KIF26A: variants seen among roughly 807,000 people sequenced by gnomAD.
KIF26A encodes kinesin-like protein KIF26A.
In KIF26A, 74 loss-of-function variants were observed where a neutral mutation model predicts 126.0. The observed-to-expected ratio is 0.59, with a 90% CI of 0.49 to 0.71. KIF26A has a LOEUF of 0.71. KIF26A is among the 30% of genes least tolerant of loss of function. The probability of loss-of-function intolerance (pLI) is 0.00; values close to 1 mark genes in which losing one functional copy is unlikely to be tolerated. For missense variants in KIF26A, 2,984 were observed against 2,763.3 expected (o/e 1.08, Z -1.79); for synonymous variants, 1,445 against 1,232.7 (o/e 1.17, Z -3.61).
chr14:104,172,667 G>C lies in KIF26A; in HGVS notation c.1419G>C (p.Leu473=). ...GCIFSFGHMS[L]GKSYTMIGKD... Reference sequence around the variant, plus strand: ...TTTTTTCCTTTGGCCACATGAGCCTGGGTAAGCACCCTTGCCCCACCCTAG... The same window carrying C: ...TTTTTTCCTTTGGCCACATGAGCCTCGGTAAGCACCCTTGCCCCACCCTAG... Residue 473 remains leucine, a splice_region_variant and synonymous_variant, in exon 7 of 15, where the codon CTG becomes CTC. Coordinates refer to ENST00000423312, the MANE Select transcript of KIF26A (RefSeq NM_015656.2). 6.2e-7 allele frequency: 1 copy of C among 1,610,902 alleles called. No homozygotes were observed. The highest frequency in any genetic ancestry group is 8.5e-7 in the Non-Finnish European group (1 of 1,177,958).
intron 5 of KIF26A, among the ~76,000 whole-genome samples, chr14:104,168,055 A>G (rs531693077): frequency 2.6e-5 from 4 of 152,090 alleles, no homozygotes; most frequent in African/African-American, 7.2e-5. Flanking sequence ...CCACTGCCCT[A>G]GCTGTACTGG....
rs544343535 is a variant in KIF26A at position 104,172,070 on chromosome 14, C to T, written c.1326+135C>T. On this transcript the variant is annotated intron_variant, in intron 6 of 14. Transcript: ENST00000423312. The stretch of plus-strand genomic sequence containing the variant: ...TGAGCGAGGGGCCCGCTGCCTGCGG[C>T]GCCTGCCTGCTTACCTCCCTCATCG... 1.4e-4 allele frequency: 117 copies of T among 828,610 alleles called. 1 individual carries two copies. Among genetic ancestry groups the T allele is most frequent in the South Asian group, 6.4e-4 (36 of 55,916 alleles). The allele number at this position is 828,610 out of a possible 1,614,324, so 51.3% of individuals were successfully genotyped here.
At chr14:104,140,003 G>T (rs1425592677) in intron 2 of KIF26A, among the ~76,000 whole-genome samples, 2 of 152,204 alleles carry the variant, frequency 1.3e-5, no homozygotes, top group African/African-American at 2.4e-5. Flanking sequence ...ATGCATGCTG[G>T]AAGTTTGCAA....
chr14:104,174,148 G>C lies in KIF26A; in HGVS notation c.2031G>C (p.Arg677=). 1 of 1,564,236 alleles carries C rather than the reference G, an allele frequency of 6.4e-7. No individual in the cohort carries two copies. Among genetic ancestry groups the C allele is most frequent in the Non-Finnish European group, 8.7e-7 (1 of 1,152,178 alleles). The change falls in exon 11 of 15, where the codon CGG becomes CGC. Residue 677 remains arginine (R), a splice_region_variant and synonymous_variant. Coordinates refer to ENST00000423312, the MANE Select transcript of KIF26A (RefSeq NM_015656.2). The stretch of plus-strand genomic sequence containing the variant: ...GCATCTGAACCGCCTCGACCCGCAG[G>C]GACCACAGGCTCACCATGCTGCTGC... ...LVNGAKHVPY[R]DHRLTMLLRE...
chr14:104,162,271 G>A (rs932336545), intron 4 of KIF26A, among the ~76,000 whole-genome samples: 4 of 152,208 alleles, frequency 2.6e-5, no homozygotes, highest in Admixed American at 2.0e-4. Flanking sequence ...GTCAGATTGT[G>A]GGGTGGAGAT....
At chr14:104,171,385 C>G (rs573748163) in intron 5 of KIF26A, among the ~76,000 whole-genome samples, 73 of 152,288 alleles carry the variant, frequency 4.8e-4, no homozygotes, top group Non-Finnish European at 7.8e-4. Context: ...CCTGCCCTCT[C>G]CTGGACTGAG....
At chr14:104,157,305 A>G (rs2141099839) in intron 3 of KIF26A, among the ~76,000 whole-genome samples, 1 of 152,262 alleles carries the variant, frequency 6.6e-6, no homozygotes, top group Middle Eastern at 3.4e-3. Flanking sequence ...GTTCCTGCCA[A>G]ATAGTTATCG....
At chr14:104,169,644 C>T (rs980841176) in intron 5 of KIF26A, among the ~76,000 whole-genome samples, 7 of 152,340 alleles carry the variant, frequency 4.6e-5, no homozygotes, top group East Asian at 1.9e-4. Flanking sequence ...AGTTAGATTA[C>T]GTTCAATTTC....
chr14:104,152,990 G>T lies in KIF26A; in HGVS notation c.735+529G>T, dbSNP rs561480074. On this transcript the variant is annotated intron_variant, in intron 3 of 14. Coordinates refer to ENST00000423312, the MANE Select transcript of KIF26A (RefSeq NM_015656.2). This position sits in a 1 kb window ranked among gnomAD's most constrained non-coding sequence, Gnocchi z 5.9. ...CTGTGAAGAGCCGTGTTTCTGCCTG[G>T]TACACTGTCTAGTCACCACACAGCG... is the stretch of plus-strand genomic sequence containing the variant. Among the ~76,000 whole-genome samples the T allele has an allele frequency of 9.2e-5, 14 of 152,146 alleles. No homozygotes were observed. Among genetic ancestry groups the T allele is most frequent in the Non-Finnish European group, 1.6e-4 (11 of 68,016 alleles).
chr14:104,169,143 C>A (rs1242246986), intron 5 of KIF26A, among the ~76,000 whole-genome samples: 1 of 152,164 alleles, frequency 6.6e-6, no homozygotes, highest in Non-Finnish European at 1.5e-5. Flanking sequence ...GGCCAGGCTG[C>A]CGCTGCCCTG....
chr14:104,177,602 C>T lies in KIF26A; in HGVS notation c.4814C>T (p.Thr1605Met), dbSNP rs777924224. 36 of 1,529,950 alleles carry T rather than the reference C, an allele frequency of 2.4e-5. No individual in the cohort carries two copies. Among genetic ancestry groups the T allele is most frequent in the African/African-American group, 5.5e-5 (4 of 72,538 alleles). The allele number at this position is 1,529,950 out of a possible 1,614,324, so 94.8% of individuals were successfully genotyped here. ...GVNVGEERPP[T>M]GPALPSPYSK... ...AACGTGGGGGAGGAGCGGCCACCCA[C>T]GGGCCCGGCCCTGCCCTCCCCCTAC... is the stretch of plus-strand genomic sequence containing the variant. Residue 1605 changes from threonine to methionine, a missense_variant, in exon 12 of 15, where the codon ACG (threonine) becomes ATG (methionine). Thr to Met is a moderately conservative substitution (Grantham distance 81). Transcript: ENST00000423312.
Position 104,152,087 on chromosome 14 carries a change from G to A in KIF26A, c.361G>A (p.Ala121Thr). ...PGALPACRPE[A>T]ERRCDVCATH... is the part of the protein sequence containing the mutation. ...GGCCCTGCCAGCCTGTCGCCCAGAG[G>A]CCGAGCGCCGCTGTGACGTCTGCGC... The change falls in exon 3 of 15, where the codon GCC becomes ACC. Residue 121 changes from alanine (A) to threonine (T), a missense_variant. By Grantham distance (58) the Ala-to-Thr change is moderately conservative (BLOSUM62 0). Coordinates refer to ENST00000423312, the MANE Select transcript of KIF26A (RefSeq NM_015656.2). This position sits in a 1 kb window ranked among gnomAD's most constrained non-coding sequence, Gnocchi z 5.9. 1 of 1,612,548 alleles carries A rather than the reference G, an allele frequency of 6.2e-7. No individual in the cohort carries two copies. Among genetic ancestry groups the A allele is most frequent in the Non-Finnish European group, 8.5e-7 (1 of 1,179,778 alleles).
chr14:104,177,215 C>G lies in KIF26A; in HGVS notation c.4427C>G (p.Pro1476Arg). ...CCACCCTCCAGCCCCACACACGGTC[C>G]AGCTCCCGCCTGTAGGAGCGGCGCA... is the stretch of plus-strand genomic sequence containing the variant. ...GVPPSSPTHG[P>R]APACRSGAAK... The change falls in exon 12 of 15, where the codon CCA becomes CGA. Residue 1476 changes from proline to arginine, a missense_variant. Transcript: ENST00000423312. 1 of 1,591,930 alleles carries G rather than the reference C, an allele frequency of 6.3e-7. No individual in the cohort carries two copies. Among genetic ancestry groups the G allele is most frequent in the Non-Finnish European group, 8.5e-7 (1 of 1,173,952 alleles).
rs572465029 is a variant in KIF26A at position 104,138,752 on chromosome 14, T to G, written c.30T>G (p.Ala10=). Residue 10 remains alanine, a synonymous_variant, in exon 1 of 15, where the codon GCT becomes GCG. Transcript: ENST00000423312. Reference sequence around the variant, plus strand: ...TCGGCCGCGGCGTCCCTCTGTGCGCTGCGCAGCCCGCGGTACGCGCGGCCC... The same window carrying G: ...TCGGCCGCGGCGTCCCTCTGTGCGCGGCGCAGCCCGCGGTACGCGCGGCCC... MVGRGVPLC[A]AQPAVAEGGP... The G allele has an allele frequency of 2.4e-6, 3 of 1,259,996 alleles. No homozygotes were observed. The South Asian group carries it at 9.2e-5, about 39-fold the overall frequency. The allele number at this position is 1,259,996 out of a possible 1,614,324, so 78.1% of individuals were successfully genotyped here. A position where few individuals can be genotyped will look rare whatever the true frequency, so the allele number is the denominator to read the frequency against.
intron 3 of KIF26A, among the ~76,000 whole-genome samples, chr14:104,155,489 CG>C (rs2037768420): frequency 9.3e-6 from 1 of 107,836 alleles, no homozygotes; most frequent in Non-Finnish European, 2.3e-5. Context: ...CCTTTCCTTC[CG>C]TTTGCTGCTG....
chr14:104,171,973 G>A (rs1296549198), intron 6 of KIF26A, 38 bp downstream of exon 6: 9 of 1,530,234 alleles, frequency 5.9e-6, no homozygotes, highest in Admixed American at 2.0e-5. Context: ...CCGGAGACCC[G>A]GAGCCGGGCT....
chr14:104,150,205 C>T (rs1216441384), intron 2 of KIF26A, among the ~76,000 whole-genome samples: 1 of 128,242 alleles, frequency 7.8e-6, no homozygotes, highest in Non-Finnish European at 1.7e-5. Context: ...CCTCCCCCAC[C>T]CCCTCCTCCT....
chr14:104,159,929 G>A (rs190231628), intron 4 of KIF26A, among the ~76,000 whole-genome samples: 2 of 152,284 alleles, frequency 1.3e-5, no homozygotes, highest in East Asian at 3.9e-4. Context: ...CTGTGGCTCT[G>A]AGTGGGGACG....
At position 104,148,413 on chromosome 14, in the gene KIF26A, A is replaced by G. The variant is rs368331933; in HGVS notation, c.289-3602A>G. ...CAGTGGAGTAATTACTGTCTTCCTC[A>G]AGACACCAGGCTGTGGAGGCCTGGG... On this transcript the variant is annotated intron_variant, in intron 2 of 14. Transcript: ENST00000423312. This position sits in a 1 kb window ranked among gnomAD's most constrained non-coding sequence, Gnocchi z 4.3. 6.6e-5 allele frequency among the ~76,000 whole-genome samples: 10 copies of G among 152,300 alleles called. No homozygotes were observed. Among genetic ancestry groups the G allele is most frequent in the African/African-American group, 2.2e-4 (9 of 41,570 alleles).
Sources: gnomAD v4.1 joint callset for allele counts (sites outside exome capture counted in the v4.1 genomes callset) on GRCh38, gnomAD v4.1.1 for gene constraint, Gnocchi (gnomAD v3.1) non-coding constraint, MANE v1.5 for transcripts, NCBI Gene and HGNC (gene_info 2026-07-23, HGNC 2026-07-21) for gene names.